Variants in ADARB2 observed in about 807,000 individuals in gnomAD.
ADARB2 encodes adenosine deaminase RNA specific B2 (inactive).
In ADARB2, 25 loss-of-function variants were observed where a neutral mutation model predicts 62.2. That is an observed-to-expected ratio of 0.40 (90% CI 0.29 to 0.56). The LOEUF is 0.56. ADARB2 is among the 20% of genes least tolerant of loss of function. The pLI, the probability that ADARB2 is intolerant of heterozygous loss-of-function variation, is 0.43. For missense variants in ADARB2, 1,071 were observed against 1,077.4 expected, an observed-to-expected ratio of 0.99 and a Z score of 0.08; for synonymous variants, 572 against 500.8, an observed-to-expected ratio of 1.14 and a Z score of -1.90.
At chr10:1,503,882 C>A (rs1246250118) in intron 1 of ADARB2, among the ~76,000 whole-genome samples, 1 of 152,122 alleles carries the variant, frequency 6.6e-6, no homozygotes. Flanking sequence ...CCTGAGGCCT[C>A]CCCAGAAGTC....
intron 1 of ADARB2, among the ~76,000 whole-genome samples, chr10:1,735,817 G>A (rs1474080095): frequency 3.3e-5 from 5 of 152,214 alleles, no homozygotes; most frequent in Non-Finnish European, 7.3e-5. Context: ...CATAATGAAT[G>A]ACTGTTTGCT....
intron 1 of ADARB2, among the ~76,000 whole-genome samples, chr10:1,462,814 T>C (rs536965674): frequency 6.6e-6 from 1 of 152,086 alleles, no homozygotes; most frequent in South Asian, 2.1e-4. Flanking sequence ...CATGTGTGTG[T>C]CTGTGTGTAG....
In ADARB2 at chr10:1,681,148, C is replaced by T. The variant is rs578043012; in HGVS notation, c.100+55903G>A. 3.3e-5 allele frequency among the ~76,000 whole-genome samples: 5 copies of T among 152,298 alleles called. No homozygotes were observed. The East Asian group carries it at 5.8e-4, about 18-fold the overall frequency. On this transcript the variant is annotated intron_variant, in intron 1 of 9. Transcript: ENST00000381312. ...TCTTAGGAATGAAGTGTAGTCTTCT[C>T]GTTACAGAAGCTACCTCCGCCTGCA...
intron 8 of ADARB2, among the ~76,000 whole-genome samples, chr10:1,187,543 G>C (rs1836777143): frequency 6.6e-6 from 1 of 152,264 alleles, no homozygotes; most frequent in Admixed American, 6.5e-5. Flanking sequence ...CTGGTTCCTT[G>C]TCAGGATGCC....
At chr10:1,682,214 A>G (rs1834546349) in intron 1 of ADARB2, among the ~76,000 whole-genome samples, 1 of 152,204 alleles carries the variant, frequency 6.6e-6, no homozygotes, top group South Asian at 2.1e-4. Context: ...ATAAGAGAGC[A>G]CTGGGCGTCG....
At chr10:1,618,204 C>T (rs1008397656) in intron 1 of ADARB2, among the ~76,000 whole-genome samples, 2 of 152,160 alleles carry the variant, frequency 1.3e-5, no homozygotes, top group Non-Finnish European at 2.9e-5. Context: ...ATTAGAAGAG[C>T]AGGCTTGTTT....
chr10:1,411,551 G>T (rs981971274), intron 1 of ADARB2, among the ~76,000 whole-genome samples: 2 of 152,152 alleles, frequency 1.3e-5, no homozygotes, highest in African/African-American at 4.8e-5. Context: ...CTTTCTGACT[G>T]TATCCCTGGG....
chr10:1,482,177 C>G (rs1831482349), intron 1 of ADARB2, among the ~76,000 whole-genome samples: 2 of 152,192 alleles, frequency 1.3e-5, no homozygotes, highest in Non-Finnish European at 2.9e-5. Context: ...TTGGGAAGAA[C>G]AGTATGGCGG....
intron 6 of ADARB2, among the ~76,000 whole-genome samples, chr10:1,223,882 C>T (rs184955117): frequency 1.3e-5 from 2 of 152,246 alleles, no homozygotes; most frequent in Admixed American, 1.3e-4. Context: ...GTCTAAAATT[C>T]TCTTTTTTGG....
intron 1 of ADARB2, among the ~76,000 whole-genome samples, chr10:1,596,278 T>C (rs1048489742): frequency 6.6e-6 from 1 of 152,242 alleles, no homozygotes; most frequent in Non-Finnish European, 1.5e-5. Flanking sequence ...TGATTGTTTT[T>C]CTTATATCCC....
chr10:1,735,864 C>A (rs1411017588), intron 1 of ADARB2, among the ~76,000 whole-genome samples: 1 of 152,162 alleles, frequency 6.6e-6, no homozygotes, highest in South Asian at 2.1e-4. Flanking sequence ...TGGATAATTT[C>A]TATTATTGGA....
chr10:1,184,520 G>A (rs1476701263), intron 9 of ADARB2, among the ~76,000 whole-genome samples: 1 of 152,196 alleles, frequency 6.6e-6, no homozygotes, highest in Non-Finnish European at 1.5e-5. Flanking sequence ...TATCTAAACC[G>A]GGAATAGTAT....
At chr10:1,613,149 T>A (rs150964946) in intron 1 of ADARB2, among the ~76,000 whole-genome samples, 767 of 152,292 alleles carry the variant, frequency 5.0e-3, no homozygotes, top group Middle Eastern at 0.01. Flanking sequence ...TACCCTAACG[T>A]CTCCAGAGTA....
chr10:1,344,319 C>T (rs1355583094), intron 3 of ADARB2, among the ~76,000 whole-genome samples: 3 of 152,216 alleles, frequency 2.0e-5, no homozygotes, highest in Non-Finnish European at 1.5e-5. Flanking sequence ...TTGGAGCCTG[C>T]GTGGCCGTCG....
chr10:1,577,423 C>T (rs1480099044), intron 1 of ADARB2, among the ~76,000 whole-genome samples: 2 of 152,248 alleles, frequency 1.3e-5, no homozygotes, highest in Admixed American at 1.3e-4. Context: ...TGCAGTGATA[C>T]CCTCATGCAC....
intron 1 of ADARB2, among the ~76,000 whole-genome samples, chr10:1,454,774 C>G (rs996563573): frequency 6.6e-6 from 1 of 151,870 alleles, no homozygotes; most frequent in Non-Finnish European, 1.5e-5. Flanking sequence ...TGTGAATGTA[C>G]TTAGTGCCAC....
intron 3 of ADARB2, chr10:1,292,508 T>A (rs1275839175): frequency 6.6e-6 from 1 of 152,156 alleles, no homozygotes; most frequent in Non-Finnish European, 1.5e-5. Flanking sequence ...CCGATAAAAT[T>A]AGGTATGTGT....
At chr10:1,668,996 G>T (rs1345865693) in intron 1 of ADARB2, among the ~76,000 whole-genome samples, 1 of 152,210 alleles carries the variant, frequency 6.6e-6, no homozygotes, top group Non-Finnish European at 1.5e-5. Context: ...GGGCTGGTTG[G>T]CCGTGACCGT....
intron 1 of ADARB2, among the ~76,000 whole-genome samples, chr10:1,638,366 G>T (rs890527914): frequency 3.3e-5 from 5 of 152,184 alleles, no homozygotes; most frequent in African/African-American, 1.2e-4. Flanking sequence ...CTAACTTGAT[G>T]TCACATATAT....
Sources: gnomAD v4.1 joint callset for allele counts (sites outside exome capture counted in the v4.1 genomes callset) on GRCh38, gnomAD v4.1.1 for gene constraint, MANE v1.5 for transcripts, NCBI Gene and HGNC (gene_info 2026-07-23, HGNC 2026-07-21) for gene names.